The following MKNK2 variants were observed in gnomAD, a reference collection of about 807,000 sequenced individuals.
MKNK2 encodes MAPK interacting serine/threonine kinase 2.
A neutral mutation model predicts 55.0 loss-of-function variants in MKNK2; 54 were observed. That is an observed-to-expected ratio of 0.98 (90% CI 0.79 to 1.23). The LOEUF (loss-of-function observed/expected upper bound fraction) is 1.23, where lower values mean the gene tolerates loss of function less well. Ranked by LOEUF, MKNK2 falls within the 50% of genes most tolerant of loss-of-function variation. The probability of loss-of-function intolerance (pLI) is 0.00; values close to 1 mark genes in which losing one functional copy is unlikely to be tolerated. For missense variants in MKNK2, 685 were observed against 632.1 expected, an observed-to-expected ratio of 1.08 and a Z score of -0.90; for synonymous variants, 323 against 256.0, an observed-to-expected ratio of 1.26 and a Z score of -2.50.
intron 5 of MKNK2, 81 bp from the exon 6 acceptor site, chr19:2,043,663 G>A: frequency 7.9e-7 from 1 of 1,271,378 alleles, no homozygotes. Context: ...CACTGCCACG[G>A]CTGGAATTCA....
At chr19:2,046,147 C>G in intron 5 of MKNK2, 39 bp downstream of exon 5, 1 of 1,588,928 alleles carries the variant, frequency 6.3e-7, no homozygotes, top group East Asian at 2.2e-5. Context: ...AACACCGATC[C>G]CAAGGCGCTG....
In MKNK2 at chr19:2,046,077, G is replaced by A. The variant is rs182774978; in HGVS notation, c.339+109C>T. 1.7e-4 allele frequency: 189 copies of A among 1,132,850 alleles called. 1 individual carries two copies. The highest frequency in any genetic ancestry group is 1.7e-3 in the South Asian group (126 of 75,906). The allele number at this position is 1,132,850 out of a possible 1,614,324, so 70.2% of individuals were successfully genotyped here. ...GGGCCCGGTGGCCACTTTTAGACACGGGTCTTCCCGGCTGTAGGACGGACA... is the reference window on the plus strand; with the variant it reads ...GGGCCCGGTGGCCACTTTTAGACACAGGTCTTCCCGGCTGTAGGACGGACA... On this transcript the variant is annotated intron_variant, in intron 5 of 13. Transcript: ENST00000250896.
Position 2,038,390 on chromosome 19 carries a change from TA to T in MKNK2, c.*1222del. On this transcript the variant is annotated 3_prime_UTR_variant, in exon 14 of 14. Transcript: ENST00000250896. ...CGGTGACCCTAGCCGCGCGCACTTCTAAAGTGGAACCCTGTATTGCATAGAA... is the reference window on the plus strand; with the variant it reads ...CGGTGACCCTAGCCGCGCGCACTTCTAAGTGGAACCCTGTATTGCATAGAA... The T allele has an allele frequency of 3.0e-6, 3 of 985,848 alleles. No homozygotes were observed. The African/African-American group carries it at 5.2e-5, about 17-fold the overall frequency. 61.1% of individuals were successfully genotyped at this position (985,848 alleles called of 1,614,324 possible). A position where few individuals can be genotyped will look rare whatever the true frequency, so the allele number is the denominator to read the frequency against.
Position 2,050,949 on chromosome 19 carries a change from T to A in MKNK2, c.-96-2A>T. On this transcript the variant is annotated splice_acceptor_variant, in intron 1 of 13. Transcript: ENST00000250896. LOFTEE classifies it low-confidence loss of function (5UTR_SPLICE). ...CGGGGGGCGGCCGAGGAGGGGACCC[T>A]GCGGGCGGGAGCAGACAAAGGGAGG... The A allele has an allele frequency of 1.3e-6, 1 of 769,284 alleles. No individual in the cohort carries two copies. The highest frequency in any genetic ancestry group is 1.9e-6 in the Non-Finnish European group (1 of 516,626). 47.7% of individuals were successfully genotyped at this position (769,284 alleles called of 1,614,324 possible). A position where few individuals can be genotyped will look rare whatever the true frequency, so the allele number is the denominator to read the frequency against.
At position 2,038,715 on chromosome 19, in the gene MKNK2, G is replaced by C; in HGVS notation, c.*898C>G. 1.0e-6 allele frequency: 1 copy of C among 985,584 alleles called. No homozygotes were observed. The highest frequency in any genetic ancestry group is 1.2e-6 in the Non-Finnish European group (1 of 829,992). 61.1% of individuals were successfully genotyped at this position (985,584 alleles called of 1,614,324 possible). ...ACGGTCAGACTGAGCCCTGAGAAGG[G>C]GCACTCGGGTGCCCCAAGGGGGTGT... On this transcript the variant is annotated 3_prime_UTR_variant, in exon 14 of 14. Transcript: ENST00000250896.
Position 2,041,073 on chromosome 19 carries a change from G to A in MKNK2, c.1077C>T (p.Ala359=), listed in dbSNP as rs372448964. The A allele has an allele frequency of 1.4e-4, 223 of 1,613,860 alleles. No homozygotes were observed. Among genetic ancestry groups the A allele is most frequent in the Non-Finnish European group, 1.8e-4 (216 of 1,179,938 alleles). ...LVRDAKQRLS[A]AQVLQHPWVQ... ...CCCAGGGGTGCTGCAGGACTTGGGC[G>A]GCACTCAGCCTCTGCTTGGCGTCAC... is the stretch of plus-strand genomic sequence containing the variant. The change falls in exon 12 of 14, where the codon GCC becomes GCT. Residue 359 remains alanine (A), a synonymous_variant. Transcript: ENST00000250896.
At chr19:2,046,112 C>T in intron 5 of MKNK2, 74 bp downstream of exon 5, 2 of 1,433,702 alleles carry the variant, frequency 1.4e-6, no homozygotes, top group Admixed American at 1.7e-5. Context: ...AGCCGGAATG[C>T]CACACACTGT....
rs539883370 is a variant in MKNK2, at chr19:2,048,065, G to A, written c.52-1374C>T. Among the ~76,000 whole-genome samples, 8 of 152,224 alleles carry A rather than the reference G, an allele frequency of 5.3e-5. No individual in the cohort carries two copies. The South Asian group carries it at 6.2e-4, about 12-fold the overall frequency. ...TCACGGGAGAGGCACCCACAGGCGC[G>A]AGTGTGCCAGGCCCTGCCCAGACCA... On this transcript the variant is annotated intron_variant, in intron 2 of 13. Transcript: ENST00000250896.
Position 2,046,691 on chromosome 19 carries a change from C to A in MKNK2, c.52G>T (p.Gly18Trp). The change falls in exon 3 of 14, where the codon GGG becomes TGG. Residue 18 changes from glycine (G) to tryptophan (W), a missense_variant and splice_region_variant. By Grantham distance (184) the Gly-to-Trp change is radical. Coordinates refer to ENST00000250896, the MANE Select transcript of MKNK2 (RefSeq NM_199054.3). The stretch of plus-strand genomic sequence containing the variant: ...AAGGCCAGCTCGAAGGGGTTCTGCC[C>A]CTGCAGGGGAGAGGAGAGGAGAGGC... Reference protein sequence around the residue: ...ELQGFHRSFKGQNPFELAFSL... With the variant: ...ELQGFHRSFKWQNPFELAFSL... 1 of 1,517,322 alleles carries A rather than the reference C, an allele frequency of 6.6e-7. No homozygotes were observed. Among genetic ancestry groups the A allele is most frequent in the African/African-American group, 1.4e-5 (1 of 72,058 alleles). The allele number at this position is 1,517,322 out of a possible 1,614,324, so 94.0% of individuals were successfully genotyped here.
Position 2,038,661 on chromosome 19 carries a change from CGAGGGGCGG to C in MKNK2, c.*943_*951del. 1 of 985,432 alleles carries C rather than the reference CGAGGGGCGG, an allele frequency of 1.0e-6. No homozygotes were observed. The highest frequency in any genetic ancestry group is 1.1e-4 in the East Asian group (1 of 8,800). 61.0% of individuals were successfully genotyped at this position (985,432 alleles called of 1,614,324 possible). On this transcript the variant is annotated 3_prime_UTR_variant, in exon 14 of 14. Coordinates refer to ENST00000250896, the MANE Select transcript of MKNK2 (RefSeq NM_199054.3). ...GCTGACGGAGCTTCCAGGTCAGGCC[CGAGGGGCGG>C]CGCGAGGCAGGACGTGGCTACGGTC...
At chr19:2,050,993 C>A (rs900643290) in intron 1 of MKNK2, 46 bp from the exon 2 acceptor site, 13 of 474,406 alleles carry the variant, frequency 2.7e-5, no homozygotes, top group African/African-American at 2.1e-5. Context: ...CGGAGCCCGG[C>A]CTGCCAGGAG....
intron 3 of MKNK2, 37 bp downstream of exon 3, chr19:2,046,567 A>C: frequency 1.3e-6 from 2 of 1,554,766 alleles, no homozygotes; most frequent in Non-Finnish European, 1.7e-6. Context: ...CAGCGACAGC[A>C]GCTGCCCTGT....
Position 2,037,493 on chromosome 19 carries a change from A to T in MKNK2, c.*2120T>A, listed in dbSNP as rs2016772167. 6.0e-6 allele frequency: 2 copies of T among 331,660 alleles called. No individual in the cohort carries two copies. Among genetic ancestry groups the T allele is most frequent in the Non-Finnish European group, 1.1e-5 (2 of 183,374 alleles). 20.5% of individuals were successfully genotyped at this position (331,660 alleles called of 1,614,324 possible). ...ACAGCAAGTTTTTTGACTTTTATTA[A>T]ATCTTTACAAAACAGAATACAAAAT... On this transcript the variant is annotated 3_prime_UTR_variant, in exon 14 of 14. Transcript: ENST00000250896.
At chr19:2,043,334 T>TA in intron 6 of MKNK2, 137 bp from the exon 7 acceptor site, 1 of 1,001,520 alleles carries the variant, frequency 1.0e-6, no homozygotes, top group Non-Finnish European at 1.6e-6. Context: ...ATAGGCCAGC[T>TA]TCACACTGCC....
In MKNK2 at chr19:2,045,864, G is replaced by A. The variant is rs1325155280; in HGVS notation, c.339+322C>T. 3.9e-5 allele frequency among the ~76,000 whole-genome samples: 6 copies of A among 152,324 alleles called. No individual in the cohort carries two copies. The South Asian group carries it at 1.0e-3, about 26-fold the overall frequency. ...GGGCCTGCACTGAGGTTCCCCAAAC[G>A]CAGAGCCCCTCTGGGCCCTGGGATA... On this transcript the variant is annotated intron_variant, in intron 5 of 13. Transcript: ENST00000250896.
intron 2 of MKNK2, among the ~76,000 whole-genome samples, chr19:2,047,395 C>T (rs1316153367): frequency 1.3e-5 from 2 of 152,176 alleles, no homozygotes; most frequent in African/African-American, 2.4e-5. Flanking sequence ...CCCTGGGGGC[C>T]TCTGGGAAAG....
In MKNK2 at chr19:2,042,671, G is replaced by T; in HGVS notation, c.599-9C>A. 1 of 1,559,030 alleles carries T rather than the reference G, an allele frequency of 6.4e-7. No homozygotes were observed. The highest frequency in any genetic ancestry group is 1.2e-5 in the South Asian group (1 of 84,744). ...GTCCCTGTGGGCGATGCCTGGGGGA[G>T]AAGCCACAGAACCACGACGGGGTGA... On this transcript the variant is annotated splice_polypyrimidine_tract_variant and intron_variant, in intron 8 of 13. Coordinates refer to ENST00000250896, the MANE Select transcript of MKNK2 (RefSeq NM_199054.3).
intron 12 of MKNK2, 183 bp downstream of exon 12, chr19:2,040,857 C>A: frequency 1.6e-6 from 1 of 640,510 alleles, no homozygotes; most frequent in Non-Finnish European, 2.7e-6. Context: ...CCAGCGGGCA[C>A]CGTGCACAGG....
chr19:2,049,857 CT>C (rs1353322116), intron 2 of MKNK2, among the ~76,000 whole-genome samples: 1 of 152,174 alleles, frequency 6.6e-6, no homozygotes, highest in African/African-American at 2.4e-5. Context: ...CCCAGTCTCT[CT>C]TTGCTCCTCC....
Sources: gnomAD v4.1 joint callset for allele counts (sites outside exome capture counted in the v4.1 genomes callset) on GRCh38, gnomAD v4.1.1 for gene constraint, MANE v1.5 for transcripts, NCBI Gene and HGNC (gene_info 2026-07-23, HGNC 2026-07-21) for gene names.